The following GNB1L variants were observed in gnomAD, a reference collection of about 807,000 sequenced individuals.
GNB1L encodes the protein guanine nucleotide-binding protein subunit beta-like protein 1.
Under a neutral mutation model 29.1 loss-of-function variants are expected in GNB1L, and 20 were observed. The observed-to-expected ratio is 0.69, with a 90% CI of 0.48 to 1.00. The LOEUF (loss-of-function observed/expected upper bound fraction) is 1.00. Ranked by LOEUF, GNB1L falls within the 50% of genes least tolerant of loss-of-function variation. GNB1L has a pLI of 0.00. For missense variants in GNB1L, 421 were observed against 464.9 expected, an observed-to-expected ratio of 0.91 and a Z score of 0.87; for synonymous variants, 193 against 206.5, an observed-to-expected ratio of 0.93 and a Z score of 0.56.
At chr22:19,849,190 G>A in intron 2 of GNB1L, 1 of 985,350 alleles carries the variant, frequency 1.0e-6, no homozygotes, top group Non-Finnish European at 1.2e-6. Flanking sequence ...GGCTATACCT[G>A]CTTTCTAAAA....
intron 2 of GNB1L, among the ~76,000 whole-genome samples, chr22:19,826,167 A>G (rs1176504359): frequency 1.3e-5 from 2 of 152,120 alleles, no homozygotes; most frequent in Non-Finnish European, 2.9e-5. Flanking sequence ...GGGCCATCCT[A>G]TGGTGGCTAA....
At chr22:19,829,512 C>T (rs1024651011) in intron 2 of GNB1L, among the ~76,000 whole-genome samples, 8 of 151,962 alleles carry the variant, frequency 5.3e-5, no homozygotes, top group Non-Finnish European at 4.4e-5. Flanking sequence ...AAAAATACTA[C>T]GTACCAATTT....
chr22:19,829,397 A>G (rs192062855), intron 2 of GNB1L, among the ~76,000 whole-genome samples: 50 of 152,358 alleles, frequency 3.3e-4, no homozygotes, highest in Admixed American at 3.0e-3. Flanking sequence ...CAATTAAATT[A>G]GAAATTAATA....
rs1475180990 is a variant in GNB1L at position 19,807,222 on chromosome 22, G to A, written c.418-465C>T. 7.2e-5 allele frequency among the ~76,000 whole-genome samples: 11 copies of A among 152,306 alleles called. No homozygotes were observed. The South Asian group carries it at 8.3e-4, about 11-fold the overall frequency. ...CCTGGCTCCCCCACCTGGACGCCCCGGTGTCCCCTGTGCATCGAGGCTGCA... is the reference window on the plus strand; with the variant it reads ...CCTGGCTCCCCCACCTGGACGCCCCAGTGTCCCCTGTGCATCGAGGCTGCA... On this transcript the variant is annotated intron_variant, in intron 5 of 7. Transcript: ENST00000329517.
At chr22:19,821,582 C>T (rs1320619485) in intron 2 of GNB1L, among the ~76,000 whole-genome samples, 2 of 152,194 alleles carry the variant, frequency 1.3e-5, no homozygotes, top group Non-Finnish European at 2.9e-5. Flanking sequence ...CGGCGGTGAG[C>T]CCAGCAGAGA....
chr22:19,833,796 G>A (rs1191447812), intron 2 of GNB1L, among the ~76,000 whole-genome samples: 2 of 151,954 alleles, frequency 1.3e-5, no homozygotes, highest in African/African-American at 4.8e-5. Flanking sequence ...AAACTGGGAG[G>A]CGGAGGTTGC....
intron 7 of GNB1L, among the ~76,000 whole-genome samples, chr22:19,797,788 C>T (rs1481191673): frequency 6.6e-6 from 1 of 152,208 alleles, no homozygotes; most frequent in Non-Finnish European, 1.5e-5. Flanking sequence ...CAAGGCCTCT[C>T]CAGGGCCCGG....
intron 4 of GNB1L, among the ~76,000 whole-genome samples, chr22:19,813,959 G>T (rs1413212489): frequency 6.6e-6 from 1 of 152,142 alleles, no homozygotes; most frequent in Admixed American, 6.6e-5. Context: ...TCGAGTGACT[G>T]TGCTCCAGGA....
intron 7 of GNB1L, among the ~76,000 whole-genome samples, chr22:19,800,855 C>T (rs2145866691): frequency 6.6e-6 from 1 of 152,230 alleles, no homozygotes; most frequent in East Asian, 1.9e-4. Context: ...TCCGCAGCTC[C>T]ACCATGTGCT....
At position 19,850,508 on chromosome 22, in the gene GNB1L, A is replaced by G. The variant is rs932428695; in HGVS notation, c.-21+3935T>C. The G allele has an allele frequency of 2.8e-6, 3 of 1,053,518 alleles. No homozygotes were observed. The East Asian group carries it at 2.1e-4, about 74-fold the overall frequency. 65.3% of individuals were successfully genotyped at this position (1,053,518 alleles called of 1,614,324 possible). ...CACAAAGGGCGAATGCCTGCAGCTG[A>G]GCCTGGCAAGGGGCTTGCATCCCAC... On this transcript the variant is annotated intron_variant, in intron 2 of 7. Coordinates refer to ENST00000329517, the MANE Select transcript of GNB1L (RefSeq NM_053004.3).
chr22:19,828,547 G>C (rs1049772094), intron 2 of GNB1L, among the ~76,000 whole-genome samples: 8 of 152,048 alleles, frequency 5.3e-5, no homozygotes, highest in African/African-American at 1.9e-4. Context: ...TTGGGATGCT[G>C]AAGAAGGAGA....
intron 7 of GNB1L, among the ~76,000 whole-genome samples, chr22:19,793,656 A>AG (rs1199571809): frequency 2.0e-5 from 3 of 152,232 alleles, no homozygotes; most frequent in African/African-American, 4.8e-5. Flanking sequence ...ATAAAAAAAA[A>AG]TCTTGAAAGC....
At chr22:19,834,012 T>C (rs1601344866) in intron 2 of GNB1L, among the ~76,000 whole-genome samples, 1 of 151,900 alleles carries the variant, frequency 6.6e-6, no homozygotes, top group East Asian at 1.9e-4. Context: ...GGAATAATAG[T>C]AAAAGGTCTA....
intron 6 of GNB1L, 103 bp from the exon 7 acceptor site, chr22:19,802,319 G>T: frequency 2.2e-6 from 2 of 922,356 alleles, no homozygotes; most frequent in Non-Finnish European, 3.3e-6. Context: ...TGCTGGCTGG[G>T]GCTGTTTCCC....
chr22:19,836,645 T>C (rs1348680389), intron 2 of GNB1L, among the ~76,000 whole-genome samples: 3 of 152,168 alleles, frequency 2.0e-5, no homozygotes, highest in Non-Finnish European at 4.4e-5. Flanking sequence ...AACAAAATAA[T>C]ATCTTGCTGC....
At chr22:19,853,029 C>T (rs1040288679) in intron 2 of GNB1L, among the ~76,000 whole-genome samples, 5 of 152,192 alleles carry the variant, frequency 3.3e-5, no homozygotes, top group Non-Finnish European at 7.4e-5. Flanking sequence ...TCTTTTACAT[C>T]CCAGCACCAG....
intron 2 of GNB1L, among the ~76,000 whole-genome samples, chr22:19,826,650 C>T (rs1277259085): frequency 6.6e-6 from 1 of 152,098 alleles, no homozygotes; most frequent in African/African-American, 2.4e-5. Flanking sequence ...GTGTGTTGCG[C>T]CAAGGTATTA....
At chr22:19,794,110 C>T (rs1937280438) in intron 7 of GNB1L, among the ~76,000 whole-genome samples, 1 of 152,070 alleles carries the variant, frequency 6.6e-6, no homozygotes, top group Admixed American at 6.5e-5. Flanking sequence ...GACCCTATCT[C>T]TACAAAAACT....
chr22:19,819,763 C>T (rs935746908), intron 4 of GNB1L, among the ~76,000 whole-genome samples: 2 of 152,124 alleles, frequency 1.3e-5, no homozygotes, highest in South Asian at 2.1e-4. Flanking sequence ...AGAACACACA[C>T]GTGAGCTCGG....
Sources: gnomAD v4.1 joint callset for allele counts (sites outside exome capture counted in the v4.1 genomes callset) on GRCh38, gnomAD v4.1.1 for gene constraint, MANE v1.5 for transcripts, NCBI Gene and HGNC (gene_info 2026-07-23, HGNC 2026-07-21) for gene names.